Variants in LRRC4C observed in about 807,000 individuals in gnomAD.
LRRC4C encodes leucine-rich repeat-containing protein 4C.
Under a neutral mutation model 33.6 loss-of-function variants are expected in LRRC4C, and 5 were observed. That is an observed-to-expected ratio of 0.15 (90% CI 0.08 to 0.31). The LOEUF (loss-of-function observed/expected upper bound fraction) is 0.31. Among genes scored for constraint, LRRC4C ranks in the 10% least tolerant of loss-of-function variants. The pLI is 1.00. For missense variants in LRRC4C, 560 were observed against 796.7 expected (o/e 0.70, Z 3.58); for synonymous variants, 329 against 302.0 (o/e 1.09, Z -0.93).
chr11:40,270,382 G>T (rs764962439), intron 4 of LRRC4C, among the ~76,000 whole-genome samples: 2 of 151,774 alleles, frequency 1.3e-5, no homozygotes, highest in Non-Finnish European at 2.9e-5. Flanking sequence ...TTTCCTTTCT[G>T]CTTGCACATC....
intron 5 of LRRC4C, among the ~76,000 whole-genome samples, chr11:40,188,772 C>T (rs1196672571): frequency 6.6e-6 from 1 of 152,046 alleles, no homozygotes; most frequent in Middle Eastern, 3.4e-3. Context: ...AAATTATGGT[C>T]CTGATTCCTG....
chr11:41,252,840 C>T (rs1012200521), intron 1 of LRRC4C, among the ~76,000 whole-genome samples: 3 of 152,054 alleles, frequency 2.0e-5, no homozygotes, highest in Non-Finnish European at 4.4e-5. Context: ...GGGGAACTCC[C>T]TTTATAAAAC....
At chr11:41,380,569 G>C (rs1285210202) in intron 1 of LRRC4C, among the ~76,000 whole-genome samples, 1 of 152,162 alleles carries the variant, frequency 6.6e-6, no homozygotes, top group East Asian at 1.9e-4. Context: ...AAGAAAATTA[G>C]CATTAATTAC....
At chr11:40,451,574 T>C (rs1459577626) in intron 3 of LRRC4C, among the ~76,000 whole-genome samples, 1 of 151,204 alleles carries the variant, frequency 6.6e-6, no homozygotes, top group Non-Finnish European at 1.5e-5. Context: ...TTAGTAGAGA[T>C]GGGGGTTTCA....
chr11:40,199,084 A>G (rs1230745744), intron 5 of LRRC4C, among the ~76,000 whole-genome samples: 1 of 152,016 alleles, frequency 6.6e-6, no homozygotes, highest in Non-Finnish European at 1.5e-5. Context: ...TTGTTTATTT[A>G]TTTTGAGATG....
At chr11:40,448,114 G>A (rs1392457079) in intron 3 of LRRC4C, among the ~76,000 whole-genome samples, 2 of 152,110 alleles carry the variant, frequency 1.3e-5, no homozygotes, top group Admixed American at 1.3e-4. Context: ...GCCAGCAAAT[G>A]CATTCTGGAT....
intron 1 of LRRC4C, among the ~76,000 whole-genome samples, chr11:41,083,662 A>G (rs1237593458): frequency 1.3e-5 from 2 of 152,210 alleles, no homozygotes; most frequent in African/African-American, 4.8e-5. Context: ...CTATACTGTC[A>G]GGCGAAAAAA....
At chr11:40,362,866 A>G (rs1948022240) in intron 3 of LRRC4C, among the ~76,000 whole-genome samples, 1 of 152,232 alleles carries the variant, frequency 6.6e-6, no homozygotes, top group East Asian at 1.9e-4. Flanking sequence ...ACCATGAGAT[A>G]CCATCTCACA....
At chr11:40,876,627 G>A (rs1954905122) in intron 2 of LRRC4C, among the ~76,000 whole-genome samples, 1 of 152,000 alleles carries the variant, frequency 6.6e-6, no homozygotes, top group Non-Finnish European at 1.5e-5. Context: ...ATCTCAGGCT[G>A]GGCATGCTGG....
chr11:41,235,356 A>G (rs1591020827), intron 1 of LRRC4C, among the ~76,000 whole-genome samples: 1 of 151,962 alleles, frequency 6.6e-6, no homozygotes, highest in Non-Finnish European at 1.5e-5. Flanking sequence ...AGTTACTTTG[A>G]TCTATATTAT....
At chr11:40,137,987 A>G (rs1399571956) in intron 6 of LRRC4C, among the ~76,000 whole-genome samples, 4 of 152,206 alleles carry the variant, frequency 2.6e-5, no homozygotes, top group African/African-American at 9.7e-5. Flanking sequence ...ACTAACTTAC[A>G]TACGCAGTTT....
intron 1 of LRRC4C, among the ~76,000 whole-genome samples, chr11:41,321,946 C>T (rs1386402226): frequency 1.3e-5 from 2 of 151,996 alleles, no homozygotes; most frequent in East Asian, 3.9e-4. Context: ...TTCACTGCAA[C>T]CTCCACCTCC....
rs1277392468 is a variant in LRRC4C at position 40,806,031 on chromosome 11, G to A, written c.-407+127604C>T. Among the ~76,000 whole-genome samples the A allele has an allele frequency of 2.0e-5, 3 of 152,104 alleles. No individual in the cohort carries two copies. In the East Asian group the frequency reaches 5.8e-4, roughly 29 times the overall value. ...CAAATGGCCCCTAATGTCCCACCCA[G>A]CTTCAGTAGTATATAGTTTTGCTAC... On this transcript the variant is annotated intron_variant, in intron 2 of 6. Transcript: ENST00000528697.
At chr11:40,652,660 T>C (rs1430919933) in intron 2 of LRRC4C, among the ~76,000 whole-genome samples, 2 of 152,236 alleles carry the variant, frequency 1.3e-5, no homozygotes, top group Non-Finnish European at 2.9e-5. Flanking sequence ...GGAGCAGGGC[T>C]GGATGCTCCA....
chr11:41,249,032 C>A (rs1948545464), intron 1 of LRRC4C, among the ~76,000 whole-genome samples: 1 of 148,880 alleles, frequency 6.7e-6, no homozygotes, highest in Non-Finnish European at 1.5e-5. Flanking sequence ...GTTTAAGATA[C>A]TGTCTTCTTT....
intron 2 of LRRC4C, among the ~76,000 whole-genome samples, chr11:40,916,631 G>T (rs560362346): frequency 7.0e-4 from 106 of 151,558 alleles, no homozygotes; most frequent in African/African-American, 2.5e-3. Context: ...ACACCAACAT[G>T]GCACATGTAT....
intron 1 of LRRC4C, among the ~76,000 whole-genome samples, chr11:41,288,911 A>G (rs1437058434): frequency 1.2e-5 from 1 of 86,864 alleles, no homozygotes; most frequent in African/African-American, 3.5e-5. Context: ...GAGGGTATGA[A>G]TGAACCTTTA....
intron 1 of LRRC4C, among the ~76,000 whole-genome samples, chr11:41,160,438 CA>C (rs1223794633): frequency 6.6e-6 from 1 of 150,434 alleles, no homozygotes; most frequent in East Asian, 2.0e-4. Flanking sequence ...TTATTGTGTA[CA>C]TTTTACCACT....
chr11:40,876,424 C>T (rs1195753130), intron 2 of LRRC4C, among the ~76,000 whole-genome samples: 1 of 151,952 alleles, frequency 6.6e-6, no homozygotes, highest in East Asian at 1.9e-4. Flanking sequence ...GTTCACTTGT[C>T]GCCCCCAAAG....
Sources: gnomAD v4.1 joint callset for allele counts (sites outside exome capture counted in the v4.1 genomes callset) on GRCh38, gnomAD v4.1.1 for gene constraint, MANE v1.5 for transcripts, NCBI Gene and HGNC (gene_info 2026-07-23, HGNC 2026-07-21) for gene names.